Variants in FAM168A observed in about 807,000 individuals in gnomAD.
The protein encoded by FAM168A is family with sequence similarity 168 member A.
In FAM168A, 3 loss-of-function variants were observed where a neutral mutation model predicts 28.5. The observed-to-expected ratio is 0.11, with a 90% confidence interval of 0.05 to 0.27. The LOEUF (loss-of-function observed/expected upper bound fraction) is 0.27. FAM168A is among the 10% of genes least tolerant of loss of function. The probability of loss-of-function intolerance (pLI) is 1.00; values close to 1 mark genes in which losing one functional copy is unlikely to be tolerated. For synonymous variants in FAM168A, 122 were observed against 124.2 expected (o/e 0.98, Z 0.12); for missense variants, 222 against 311.5 (o/e 0.71, Z 2.16).
intron 1 of FAM168A, among the ~76,000 whole-genome samples, chr11:73,468,752 T>C (rs1196513428): frequency 6.6e-6 from 1 of 152,222 alleles, no homozygotes; most frequent in African/African-American, 2.4e-5. Context: ...CTCAGCTCAG[T>C]GTTAGTCCCA....
chr11:73,446,136 T>C (rs970418342), intron 2 of FAM168A, among the ~76,000 whole-genome samples: 8 of 152,376 alleles, frequency 5.3e-5, no homozygotes, highest in South Asian at 2.1e-4. Flanking sequence ...AGAAGGTACA[T>C]TGAATTACAA....
chr11:73,463,083 C>T (rs751627654), intron 2 of FAM168A, among the ~76,000 whole-genome samples: 44 of 152,100 alleles, frequency 2.9e-4, no homozygotes, highest in Middle Eastern at 3.4e-3. Flanking sequence ...ATTCTCATGC[C>T]TCAGCCTCCA....
At chr11:73,486,380 C>T (rs1272009888) in intron 1 of FAM168A, among the ~76,000 whole-genome samples, 3 of 152,146 alleles carry the variant, frequency 2.0e-5, no homozygotes, top group African/African-American at 7.2e-5. Flanking sequence ...CTCTTCCTAC[C>T]CAGTCCCTGA....
chr11:73,423,812 T>C (rs558701248), intron 3 of FAM168A, among the ~76,000 whole-genome samples: 1 of 152,354 alleles, frequency 6.6e-6, no homozygotes. Context: ...AACAAGCCCC[T>C]TGTCTTACTA....
intron 2 of FAM168A, among the ~76,000 whole-genome samples, chr11:73,437,247 G>A (rs1199592131): frequency 6.6e-6 from 1 of 151,476 alleles, no homozygotes; most frequent in Non-Finnish European, 1.5e-5. Flanking sequence ...ACAGGCACAT[G>A]CCACCCCACC....
At chr11:73,483,381 A>C (rs1040473411) in intron 1 of FAM168A, among the ~76,000 whole-genome samples, 1 of 152,210 alleles carries the variant, frequency 6.6e-6, no homozygotes, top group Non-Finnish European at 1.5e-5. Flanking sequence ...TTTCACCTTG[A>C]GGCTATCTGC....
rs1175161739 is a variant in FAM168A at position 73,407,526 on chromosome 11, A to C, written c.*5T>G. The C allele has an allele frequency of 1.3e-6, 2 of 1,568,972 alleles. No homozygotes were observed. The highest frequency in any genetic ancestry group is 1.7e-6 in the Non-Finnish European group (2 of 1,163,704). ...GGCCACACTCACTTGGATGGGCTGC[A>C]GGCTTTACCAGTGTGGGGGCACGTA... On this transcript the variant is annotated 3_prime_UTR_variant, in exon 7 of 8. Transcript: ENST00000356467.
intron 4 of FAM168A, among the ~76,000 whole-genome samples, chr11:73,416,059 G>A (rs1866688991): frequency 6.6e-6 from 1 of 152,116 alleles, no homozygotes; most frequent in Admixed American, 6.5e-5. Flanking sequence ...TCCAATCTTG[G>A]GCATTTAATA....
intron 1 of FAM168A, among the ~76,000 whole-genome samples, chr11:73,591,131 G>A (rs962955988): frequency 2.0e-5 from 3 of 151,752 alleles, no homozygotes; most frequent in South Asian, 4.2e-4. Flanking sequence ...GAGACAAAGC[G>A]AGACTCTGTC....
At chr11:73,526,586 A>G (rs1943449816) in intron 1 of FAM168A, among the ~76,000 whole-genome samples, 1 of 152,152 alleles carries the variant, frequency 6.6e-6, no homozygotes, top group Non-Finnish European at 1.5e-5. Context: ...AAAATGCAAC[A>G]CTGGCCATGA....
chr11:73,552,568 G>A (rs1222352415), intron 1 of FAM168A, among the ~76,000 whole-genome samples: 1 of 152,188 alleles, frequency 6.6e-6, no homozygotes, highest in Non-Finnish European at 1.5e-5. Context: ...GTGAACTACA[G>A]TTTCTTTATT....
At chr11:73,508,552 C>T (rs1855159690) in intron 1 of FAM168A, among the ~76,000 whole-genome samples, 2 of 151,848 alleles carry the variant, frequency 1.3e-5, no homozygotes, top group South Asian at 2.1e-4. Flanking sequence ...TGCGTGCATG[C>T]GTGGGTGCGT....
At chr11:73,512,234 C>A (rs1278209672) in intron 1 of FAM168A, among the ~76,000 whole-genome samples, 2 of 152,160 alleles carry the variant, frequency 1.3e-5, no homozygotes, top group East Asian at 1.9e-4. Flanking sequence ...CCCTTTAACT[C>A]TTTCCGTGCT....
intron 7 of FAM168A, among the ~76,000 whole-genome samples, chr11:73,407,308 A>G (rs1866523484): frequency 1.3e-5 from 2 of 152,188 alleles, no homozygotes; most frequent in South Asian, 2.1e-4. Context: ...TATTTCTGTT[A>G]TTATTTAGAT....
intron 1 of FAM168A, among the ~76,000 whole-genome samples, chr11:73,579,343 G>C (rs1015107245): frequency 1.3e-5 from 2 of 152,060 alleles, no homozygotes; most frequent in South Asian, 4.2e-4. Flanking sequence ...TCCATCTAAT[G>C]GATAGAGAAA....
chr11:73,508,136 G>A (rs7935204), intron 1 of FAM168A, among the ~76,000 whole-genome samples: 47,113 of 151,986 alleles, frequency 0.31, 9,595 homozygotes, highest in African/African-American at 0.59. Flanking sequence ...AAATGAAATA[G>A]TAAAGCCATT....
In FAM168A at chr11:73,587,478, C is replaced by T. The variant is rs188767782; in HGVS notation, c.-19+10445G>A. 1.1e-3 allele frequency among the ~76,000 whole-genome samples: 162 copies of T among 148,560 alleles called. 1 individual carries two copies. In the Middle Eastern group the frequency reaches 0.02, roughly 19 times the overall value. ...CTGCACTCCAGCTGAGGTGACAAAG[C>T]GAGACTCCGTCTCAAAAAAAAAAAA... On this transcript the variant is annotated intron_variant, in intron 1 of 7. Coordinates refer to ENST00000356467, the MANE Select transcript of FAM168A (RefSeq NM_015159.3).
intron 1 of FAM168A, among the ~76,000 whole-genome samples, chr11:73,594,265 A>AT: frequency 6.6e-6 from 1 of 150,982 alleles, no homozygotes; most frequent in African/African-American, 2.5e-5. Context: ...ACACCCAGCA[A>AT]ATTTTTTTTT....
chr11:73,430,835 C>A, intron 2 of FAM168A, 65 bp from the exon 3 acceptor site: 1 of 1,310,322 alleles, frequency 7.6e-7, no homozygotes, highest in East Asian at 2.4e-5. Context: ...CAAAACAAAA[C>A]AAAAAAACAC....
Sources: allele counts gnomAD v4.1 joint callset (sites outside exome capture counted in the v4.1 genomes callset), GRCh38; gene constraint gnomAD v4.1.1; transcripts MANE v1.5; gene names NCBI Gene and HGNC (gene_info 2026-07-23, HGNC 2026-07-21).